The following RALYL variants were observed in gnomAD, a reference collection of about 807,000 sequenced individuals.
RALYL encodes RNA-binding Raly-like protein.
A neutral mutation model predicts 35.1 loss-of-function variants in RALYL; 29 were observed. That is an observed-to-expected ratio of 0.83 (90% CI 0.61 to 1.13). RALYL has a LOEUF of 1.13. Among genes scored for constraint, RALYL ranks in the 50% most tolerant of loss-of-function variants. The pLI, the probability that RALYL is intolerant of heterozygous loss-of-function variation, is 0.00. For synonymous variants in RALYL, 120 were observed against 127.6 expected (o/e 0.94, Z 0.40); for missense variants, 359 against 360.4 (o/e 1.00, Z 0.03).
intron 1 of RALYL, among the ~76,000 whole-genome samples, chr8:84,279,198 T>C (rs1401115630): frequency 1.3e-5 from 2 of 152,098 alleles, no homozygotes; most frequent in Admixed American, 1.3e-4. Context: ...ACAAGAACAG[T>C]ATGGGGGAAA....
intron 1 of RALYL, among the ~76,000 whole-genome samples, chr8:84,444,029 A>C (rs541096945): frequency 6.6e-6 from 1 of 152,098 alleles, no homozygotes; most frequent in Non-Finnish European, 1.5e-5. Context: ...TAAGTATTCA[A>C]ATAAAAAACA....
intron 3 of RALYL, among the ~76,000 whole-genome samples, chr8:84,799,348 G>A (rs1225908152): frequency 1.3e-5 from 2 of 152,252 alleles, no homozygotes; most frequent in East Asian, 1.9e-4. Context: ...GATTTGTAAC[G>A]AGGAGAATTA....
chr8:84,763,199 G>A (rs187611213), intron 2 of RALYL, among the ~76,000 whole-genome samples: 371 of 152,082 alleles, frequency 2.4e-3, no homozygotes, highest in East Asian at 0.017. Flanking sequence ...CCATATATAC[G>A]CGTATGAAAA....
chr8:84,559,812 A>C (rs1212912728), intron 2 of RALYL, among the ~76,000 whole-genome samples: 1 of 151,992 alleles, frequency 6.6e-6, no homozygotes, highest in Non-Finnish European at 1.5e-5. Context: ...AAATCAGGTC[A>C]GAGTAGCAGC....
chr8:84,837,928 TTGAG>T (rs1832364397), intron 4 of RALYL, among the ~76,000 whole-genome samples: 1 of 152,238 alleles, frequency 6.6e-6, no homozygotes, highest in Non-Finnish European at 1.5e-5. Context: ...ATTTCCTTGG[TTGAG>T]TTTCATCCTA....
intron 1 of RALYL, among the ~76,000 whole-genome samples, chr8:84,394,593 GT>G (rs796371790): frequency 6.6e-6 from 1 of 151,820 alleles, no homozygotes; most frequent in African/African-American, 2.4e-5. Context: ...TAGGCACATA[GT>G]TTTTTTATAG....
In RALYL at chr8:84,592,594, G is replaced by T. The variant is rs1813539125; in HGVS notation, c.256+63017G>T. Among the ~76,000 whole-genome samples, 4 of 152,124 alleles carry T rather than the reference G, an allele frequency of 2.6e-5. No homozygotes were observed. In the South Asian group the frequency reaches 8.3e-4, roughly 32 times the overall value. The stretch of plus-strand genomic sequence containing the variant: ...ATTTATAAAGCACTTAATTGAATGT[G>T]GGCCTGTGAATACTATTGAGCAAAG... On this transcript the variant is annotated intron_variant, in intron 2 of 8. Coordinates refer to ENST00000521268, the MANE Select transcript of RALYL (RefSeq NM_173848.7).
intron 4 of RALYL, among the ~76,000 whole-genome samples, chr8:84,822,953 A>G (rs1740940549): frequency 6.6e-6 from 1 of 152,098 alleles, no homozygotes; most frequent in African/African-American, 2.4e-5. Flanking sequence ...TTTACGTTAT[A>G]TTGGTAGATG....
intron 2 of RALYL, among the ~76,000 whole-genome samples, chr8:84,652,331 C>T (rs1013085779): frequency 2.0e-5 from 3 of 152,048 alleles, no homozygotes; most frequent in Non-Finnish European, 4.4e-5. Context: ...GATTCCATCA[C>T]TTCGATTGGT....
intron 1 of RALYL, among the ~76,000 whole-genome samples, chr8:84,528,014 A>G (rs1000166642): frequency 6.6e-6 from 1 of 152,166 alleles, no homozygotes; most frequent in Admixed American, 6.5e-5. Context: ...TTTTAAATGC[A>G]TAATAAGTAC....
intron 1 of RALYL, among the ~76,000 whole-genome samples, chr8:84,276,254 C>G (rs1835353289): frequency 6.6e-6 from 1 of 152,128 alleles, no homozygotes; most frequent in South Asian, 2.1e-4. Flanking sequence ...CATGATTCTA[C>G]TGTTTTTGAA....
chr8:84,577,039 A>G (rs1014469019), intron 2 of RALYL, among the ~76,000 whole-genome samples: 2 of 152,210 alleles, frequency 1.3e-5, no homozygotes, highest in African/African-American at 2.4e-5. Flanking sequence ...ATAGAAGGTG[A>G]CAGGTGTTTT....
Position 84,779,206 on chromosome 8 carries a change from T to C in RALYL, c.332+4552T>C, listed in dbSNP as rs113767317. On this transcript the variant is annotated intron_variant, in intron 3 of 8. Transcript: ENST00000521268. ...CTGTGGCACTCTAAAATAATAATTC[T>C]CCCCCAGGAAGTGAGTTTTCCAGCA... Among the ~76,000 whole-genome samples, 635 of 152,284 alleles carry C rather than the reference T, an allele frequency of 4.2e-3. 5 individuals are homozygous for C. The highest frequency in any genetic ancestry group is 0.015 in the African/African-American group (616 of 41,560).
Position 84,184,363 on chromosome 8 carries a change from G to T in RALYL, c.-85G>T. On this transcript the variant is annotated 5_prime_UTR_variant, in exon 1 of 9. Transcript: ENST00000521268. ...TTTTCTGGAAAAAAAAAAATGAAGT[G>T]CGGTTTGGTTTCCTTGTCAACGGAG... 1 of 151,158 alleles carries T rather than the reference G, an allele frequency of 6.6e-6. No individual in the cohort carries two copies. The allele number at this position is 151,158 out of a possible 1,614,324, so 9.4% of individuals were successfully genotyped here.
intron 2 of RALYL, among the ~76,000 whole-genome samples, chr8:84,647,431 G>T (rs535446341): frequency 6.6e-6 from 1 of 152,040 alleles, no homozygotes; most frequent in South Asian, 2.1e-4. Flanking sequence ...GAATAAACAT[G>T]CCTGAAGATA....
intron 1 of RALYL, among the ~76,000 whole-genome samples, chr8:84,342,345 A>C (rs1308925623): frequency 8.0e-5 from 11 of 138,254 alleles, no homozygotes; most frequent in Non-Finnish European, 1.7e-4. Context: ...GAGAACAGCC[A>C]GGCCTACACA....
chr8:84,321,705 A>C (rs1844846320), intron 1 of RALYL, among the ~76,000 whole-genome samples: 1 of 152,118 alleles, frequency 6.6e-6, no homozygotes. Context: ...CCACGAAAAG[A>C]CTGAGATTTA....
intron 4 of RALYL, among the ~76,000 whole-genome samples, chr8:84,847,675 C>A (rs1384830089): frequency 2.0e-5 from 3 of 152,170 alleles, no homozygotes; most frequent in Non-Finnish European, 4.4e-5. Context: ...TTTTAATAAT[C>A]CATGACTGCC....
intron 2 of RALYL, among the ~76,000 whole-genome samples, chr8:84,600,840 T>C (rs748026810): frequency 2.6e-5 from 4 of 152,186 alleles, no homozygotes; most frequent in Non-Finnish European, 5.9e-5. Flanking sequence ...CAGAACCTGT[T>C]GAAATGTCGG....
Sources: allele counts gnomAD v4.1 joint callset (sites outside exome capture counted in the v4.1 genomes callset), GRCh38; gene constraint gnomAD v4.1.1; transcripts MANE v1.5; gene names NCBI Gene and HGNC (gene_info 2026-07-23, HGNC 2026-07-21).